NAV2: variants seen among roughly 807,000 people sequenced by gnomAD.
NAV2 encodes the protein helicase, APC down-regulated 1.
A neutral mutation model predicts 223.2 loss-of-function variants in NAV2; 54 were observed. That is an observed-to-expected ratio of 0.24 (90% CI 0.19 to 0.30). The LOEUF is 0.30. Among genes scored for constraint, NAV2 ranks in the 10% least tolerant of loss-of-function variants. The pLI, the probability that NAV2 is intolerant of heterozygous loss-of-function variation, is 1.00. For synonymous variants in NAV2, 1,279 were observed against 1,239.3 expected, an observed-to-expected ratio of 1.03 and a Z score of -0.67; for missense variants, 2,806 against 3,147.5, an observed-to-expected ratio of 0.89 and a Z score of 2.60.
intron 1 of NAV2, among the ~76,000 whole-genome samples, chr11:19,357,430 G>A (rs1179345402): frequency 6.6e-6 from 1 of 152,104 alleles, no homozygotes; most frequent in Admixed American, 6.6e-5. Context: ...TGAAAATTAG[G>A]ATGCTAATAA....
At chr11:19,646,707 A>G (rs1368699804) in intron 1 of NAV2, among the ~76,000 whole-genome samples, 1 of 152,124 alleles carries the variant, frequency 6.6e-6, no homozygotes, top group Non-Finnish European at 1.5e-5. Context: ...TCTATACTCC[A>G]GGCACTGAGC....
intron 1 of NAV2, among the ~76,000 whole-genome samples, chr11:19,493,452 C>T (rs1167174459): frequency 6.6e-6 from 1 of 152,172 alleles, no homozygotes; most frequent in East Asian, 1.9e-4. Context: ...TAAAGCCTCT[C>T]TGTAATGTCT....
rs557383768 is a variant in NAV2, at chr11:19,663,253, G to A, written c.76-169231G>A. Among the ~76,000 whole-genome samples, 165 of 152,316 alleles carry A rather than the reference G, an allele frequency of 1.1e-3. 1 individual carries two copies. Among genetic ancestry groups the A allele is most frequent in the African/African-American group, 3.7e-3 (155 of 41,562 alleles). Reference sequence around the variant, plus strand: ...TCATATTGAATATTAGACATGGTGTGTGTAATACATGAAAATAACACAAGC... The same window carrying A: ...TCATATTGAATATTAGACATGGTGTATGTAATACATGAAAATAACACAAGC... On this transcript the variant is annotated intron_variant, in intron 1 of 37. Transcript: ENST00000360655.
rs772362501 is a variant in NAV2, at chr11:20,092,308, C to T, written c.5755C>T (p.Pro1919Ser). Reference protein sequence around the residue: ...APSQVSISASPRQSMGLSQHS... With the variant: ...APSQVSISASSRQSMGLSQHS... ...TTCCCAAGTGTCCATCTCTGCCTCCCCGAGGCAGTCCATGGGCCTCTCCCA... is the reference window on the plus strand; with the variant it reads ...TTCCCAAGTGTCCATCTCTGCCTCCTCGAGGCAGTCCATGGGCCTCTCCCA... The change falls in exon 28 of 38, where the codon CCG becomes TCG. Residue 1919 changes from proline (P) to serine (S), a missense_variant. By Grantham distance (74) the Pro-to-Ser change is moderately conservative. Around this residue, in one of 4 missense-constraint regions of NAV2, gnomAD observed 824 missense variants for 1,069.4 expected, o/e 0.77. Transcript: ENST00000349880. The T allele has an allele frequency of 1.9e-6, 3 of 1,613,938 alleles. No homozygotes were observed. In the East Asian group the frequency reaches 6.7e-5, roughly 36 times the overall value.
At chr11:19,612,443 C>A (rs55670601) in intron 1 of NAV2, among the ~76,000 whole-genome samples, 2 of 152,314 alleles carry the variant, frequency 1.3e-5, no homozygotes, top group Non-Finnish European at 2.9e-5. Flanking sequence ...AACTTTTATG[C>A]TCTGCTTCCC....
intron 10 of NAV2, among the ~76,000 whole-genome samples, chr11:19,968,927 C>T (rs539282765): frequency 6.6e-6 from 1 of 152,222 alleles, no homozygotes; most frequent in East Asian, 1.9e-4. Flanking sequence ...GCCTTGGCTT[C>T]TCCTTGTCCG....
intron 1 of NAV2, among the ~76,000 whole-genome samples, chr11:19,621,918 C>G (rs2047010904): frequency 1.3e-5 from 2 of 152,168 alleles, no homozygotes; most frequent in Non-Finnish European, 2.9e-5. Flanking sequence ...CCTGTAAACA[C>G]TGCTTTGAAT....
At chr11:19,895,788 C>T (rs1259355191) in intron 6 of NAV2, among the ~76,000 whole-genome samples, 1 of 152,152 alleles carries the variant, frequency 6.6e-6, no homozygotes, top group African/African-American at 2.4e-5. Context: ...CTTTCAGAAA[C>T]TTCTGCATTT....
At chr11:19,356,591 C>G (rs746065145) in intron 1 of NAV2, among the ~76,000 whole-genome samples, 1 of 152,124 alleles carries the variant, frequency 6.6e-6, no homozygotes, top group Non-Finnish European at 1.5e-5. Context: ...AACGTGAGCT[C>G]TGCCTATAAG....
At chr11:19,983,930 C>G (rs1040739058) in intron 10 of NAV2, among the ~76,000 whole-genome samples, 195 bp from the exon 11 acceptor site, 1 of 152,092 alleles carries the variant, frequency 6.6e-6, no homozygotes, top group Non-Finnish European at 1.5e-5. Context: ...TTTTTGTTAG[C>G]GAGCTGGGGA....
At chr11:19,620,263 G>T (rs1011794750) in intron 1 of NAV2, among the ~76,000 whole-genome samples, 14 of 152,118 alleles carry the variant, frequency 9.2e-5, no homozygotes, top group African/African-American at 3.4e-4. Context: ...GGTTCCATAT[G>T]AACTTTAAAG....
chr11:19,471,131 A>G (rs1436382629), intron 1 of NAV2, among the ~76,000 whole-genome samples: 2 of 152,002 alleles, frequency 1.3e-5, no homozygotes, highest in Non-Finnish European at 2.9e-5. Flanking sequence ...TCCACAAATG[A>G]CCCCTAGCAC....
chr11:19,488,533 A>G (rs1259631261), intron 1 of NAV2, among the ~76,000 whole-genome samples: 1 of 152,178 alleles, frequency 6.6e-6, no homozygotes, highest in Non-Finnish European at 1.5e-5. Flanking sequence ...TTGGGTTAGC[A>G]TCTCACTTTT....
chr11:19,747,382 G>T (rs540355351), intron 1 of NAV2, among the ~76,000 whole-genome samples: 13 of 152,234 alleles, frequency 8.5e-5, no homozygotes, highest in African/African-American at 3.1e-4. Flanking sequence ...CTATTAGGAG[G>T]AGTAGGAATA....
intron 10 of NAV2, among the ~76,000 whole-genome samples, chr11:19,964,775 A>G (rs1279341605): frequency 6.8e-6 from 1 of 146,438 alleles, no homozygotes; most frequent in East Asian, 2.0e-4. Flanking sequence ...CGTTGGGATT[A>G]CAGGCATAAG....
chr11:19,417,415 G>C (rs528625859), intron 1 of NAV2, among the ~76,000 whole-genome samples: 1 of 152,310 alleles, frequency 6.6e-6, no homozygotes, highest in East Asian at 1.9e-4. Context: ...ATGCCAATTG[G>C]AATTGTGATC....
chr11:19,604,195 T>A (rs2046422961), intron 1 of NAV2, among the ~76,000 whole-genome samples: 1 of 152,038 alleles, frequency 6.6e-6, no homozygotes, highest in African/African-American at 2.4e-5. Context: ...TAAACGTTTT[T>A]AAAGAGTTAC....
At chr11:19,470,597 C>T (rs1166949380) in intron 1 of NAV2, among the ~76,000 whole-genome samples, 1 of 152,172 alleles carries the variant, frequency 6.6e-6, no homozygotes, top group Non-Finnish European at 1.5e-5. Context: ...AATAATCTAT[C>T]GTGACCATAA....
chr11:20,051,479 C>T, intron 17 of NAV2, 146 bp downstream of exon 17: 1 of 743,248 alleles, frequency 1.3e-6, no homozygotes, highest in East Asian at 2.5e-5. Context: ...TGACGGCTCC[C>T]CTTGCACCCT....
Sources: allele counts gnomAD v4.1 joint callset (sites outside exome capture counted in the v4.1 genomes callset), GRCh38; gene constraint gnomAD v4.1.1; regional missense constraint gnomAD v4.1.1; transcripts MANE v1.5; gene names NCBI Gene and HGNC (gene_info 2026-07-23, HGNC 2026-07-21).